Variants in PCDHGA7 observed in about 807,000 individuals in gnomAD.
The protein encoded by PCDHGA7 is protocadherin gamma-A7.
Under a neutral mutation model 58.3 loss-of-function variants are expected in PCDHGA7, and 44 were observed. The observed-to-expected ratio is 0.75, with a 90% CI of 0.59 to 0.97. PCDHGA7 has a LOEUF of 0.97. Ranked by LOEUF, PCDHGA7 falls within the 50% of genes least tolerant of loss-of-function variation. PCDHGA7 has a pLI of 0.00. For missense variants in PCDHGA7, 1,266 were observed against 1,188.7 expected (o/e 1.06, Z -0.96); for synonymous variants, 516 against 504.2 (o/e 1.02, Z -0.31).
chr5:141,480,217 G>A (rs1443825272), intron 1 of PCDHGA7, among the ~76,000 whole-genome samples: 2 of 147,950 alleles, frequency 1.4e-5, no homozygotes, highest in Non-Finnish European at 3.0e-5. Context: ...CAGCCTGAGC[G>A]ACATAGTGAG....
chr5:141,420,225 C>G, intron 1 of PCDHGA7: 1 of 1,603,470 alleles, frequency 6.2e-7, no homozygotes. Flanking sequence ...ATGCTACTGG[C>G]TAGCATTTTA....
intron 1 of PCDHGA7, chr5:141,428,256 T>A: frequency 1.2e-6 from 1 of 863,822 alleles, no homozygotes; most frequent in Non-Finnish European, 1.9e-6. Flanking sequence ...CAGACTTCAG[T>A]GACAGTCCTG....
rs367919924 is a variant in PCDHGA7, at chr5:141,487,711, T to A, written c.2425-7096T>A. The A allele has an allele frequency of 1.1e-5, 18 of 1,586,144 alleles. No individual in the cohort carries two copies. In the African/African-American group the frequency reaches 2.1e-4, roughly 19 times the overall value. On this transcript the variant is annotated intron_variant, in intron 1 of 3. Transcript: ENST00000518325. The surrounding 1 kb of genome is among the most constrained non-coding windows in gnomAD (Gnocchi z 5.0). ...TAGAGAGTACTGGCCTCTCAGTAAG[T>A]GCCCATAGTGATGTCACCATTTTTG...
rs745698097 is a variant in PCDHGA7 at position 141,389,267 on chromosome 5, G to C, written c.2424+3944G>C. The C allele has an allele frequency of 3.0e-5, 48 of 1,613,890 alleles. No individual in the cohort carries two copies. The highest frequency in any genetic ancestry group is 4.0e-5 in the Non-Finnish European group (47 of 1,179,898). On this transcript the variant is annotated intron_variant, in intron 1 of 3. Coordinates refer to ENST00000518325, the MANE Select transcript of PCDHGA7 (RefSeq NM_018920.4). ...CTTCCTATATAGTCCACGTGGCCGA[G>C]AACAACCCGCCTGGAGCCTCTATTT...
At chr5:141,404,472 T>C in intron 1 of PCDHGA7, 1 of 1,613,692 alleles carries the variant, frequency 6.2e-7, no homozygotes, top group Non-Finnish European at 8.5e-7. Context: ...TATGTCTCTA[T>C]TAACTCAGAC....
chr5:141,466,020 G>A (rs973577698), intron 1 of PCDHGA7, among the ~76,000 whole-genome samples: 2 of 151,974 alleles, frequency 1.3e-5, no homozygotes, highest in South Asian at 4.1e-4. Context: ...TACTCGGGAG[G>A]GTGAGGCAGG....
intron 1 of PCDHGA7, among the ~76,000 whole-genome samples, chr5:141,450,951 A>G (rs1018018318): frequency 1.3e-5 from 2 of 151,732 alleles, no homozygotes; most frequent in Non-Finnish European, 2.9e-5. Context: ...CAGCCTCCCA[A>G]GTAGCTGGGA....
chr5:141,486,345 A>C lies in PCDHGA7; in HGVS notation c.2425-8462A>C. On this transcript the variant is annotated intron_variant, in intron 1 of 3. Coordinates refer to ENST00000518325, the MANE Select transcript of PCDHGA7 (RefSeq NM_018920.4). This position sits in a 1 kb window ranked among gnomAD's most constrained non-coding sequence, Gnocchi z 5.0. Reference sequence around the variant, plus strand: ...GGAGATGTGAGCCTCCGCATTCCTGACCACTTGCCATTTGCCCTCAAGTCT... The same window carrying C: ...GGAGATGTGAGCCTCCGCATTCCTGCCCACTTGCCATTTGCCCTCAAGTCT... The C allele has an allele frequency of 6.2e-7, 1 of 1,613,940 alleles. No homozygotes were observed. The highest frequency in any genetic ancestry group is 8.5e-7 in the Non-Finnish European group (1 of 1,179,986).
chr5:141,451,576 C>G (rs997933491), intron 1 of PCDHGA7, among the ~76,000 whole-genome samples: 10 of 152,164 alleles, frequency 6.6e-5, no homozygotes, highest in Middle Eastern at 3.4e-3. Context: ...TTTTTATAAA[C>G]CTAATTTTGA....
chr5:141,384,090 A>T lies in PCDHGA7; in HGVS notation c.1191A>T (p.Ser397=). Residue 397 remains serine, a synonymous_variant, in exon 1 of 4, where the codon TCA becomes TCT. Coordinates refer to ENST00000518325, the MANE Select transcript of PCDHGA7 (RefSeq NM_018920.4). ...ACCTACCTTTTAAATTAGAAAAATCAATAGATAATTATTATAGATTGGTCA... is the reference window on the plus strand; with the variant it reads ...ACCTACCTTTTAAATTAGAAAAATCTATAGATAATTATTATAGATTGGTCA... ...PENLPFKLEK[S]IDNYYRLVTT... 3 of 1,596,410 alleles carry T rather than the reference A, an allele frequency of 1.9e-6. No individual in the cohort carries two copies. Among genetic ancestry groups the T allele is most frequent in the Non-Finnish European group, 2.6e-6 (3 of 1,170,622 alleles).
At chr5:141,456,312 G>A (rs1036961015) in intron 1 of PCDHGA7, among the ~76,000 whole-genome samples, 2 of 152,126 alleles carry the variant, frequency 1.3e-5, no homozygotes, top group African/African-American at 4.8e-5. Flanking sequence ...AGCAGCTAGG[G>A]CTCCTCCTGG....
chr5:141,384,576 G>A lies in PCDHGA7; in HGVS notation c.1677G>A (p.Pro559=), dbSNP rs757254740. 18 of 1,614,060 alleles carry A rather than the reference G, an allele frequency of 1.1e-5. No homozygotes were observed. Among genetic ancestry groups the A allele is most frequent in the South Asian group, 7.7e-5 (7 of 91,088 alleles). Residue 559 remains proline (P), a synonymous_variant, in exon 1 of 4, where the codon CCG becomes CCA. Transcript: ENST00000518325. ...TCGTGCTGGACCAGAATGACAACCC[G>A]CCCGAGATCCTGTACCCGGCCCTCC... ...SLFVLDQNDN[P]PEILYPALPT...
intron 1 of PCDHGA7, among the ~76,000 whole-genome samples, chr5:141,458,339 T>A (rs1380637284): frequency 2.0e-5 from 3 of 150,846 alleles, no homozygotes; most frequent in Non-Finnish European, 3.0e-5. Context: ...TTTTAAGGAG[T>A]GGAGAGTTTA....
chr5:141,491,549 A>T lies in PCDHGA7; in HGVS notation c.2425-3258A>T, dbSNP rs748281587. 18 of 1,613,860 alleles carry T rather than the reference A, an allele frequency of 1.1e-5. No homozygotes were observed. In the East Asian group the frequency reaches 3.8e-4, roughly 34 times the overall value. On this transcript the variant is annotated intron_variant, in intron 1 of 3. Coordinates refer to ENST00000518325, the MANE Select transcript of PCDHGA7 (RefSeq NM_018920.4). This position sits in a 1 kb window ranked among gnomAD's most constrained non-coding sequence, Gnocchi z 6.9. Reference sequence around the variant, plus strand: ...GTGACGCTGCGGCCCACAGACTCGCAGAGCCACTGCTACAGGACGTGCTTT... The same window carrying T: ...GTGACGCTGCGGCCCACAGACTCGCTGAGCCACTGCTACAGGACGTGCTTT...
chr5:141,424,082 C>T (rs2096798510), intron 1 of PCDHGA7: 2 of 957,226 alleles, frequency 2.1e-6, no homozygotes, highest in East Asian at 1.1e-4. Flanking sequence ...TTATATTCCA[C>T]CATTATTTGC....
intron 1 of PCDHGA7, chr5:141,402,843 G>A (rs1370040306): frequency 5.7e-6 from 8 of 1,399,114 alleles, no homozygotes; most frequent in Non-Finnish European, 6.6e-6. Context: ...GCAAAACTCA[G>A]CCTCTTTCTT....
intron 1 of PCDHGA7, chr5:141,430,691 G>A (rs1479214920): frequency 7.1e-7 from 1 of 1,416,592 alleles, no homozygotes; most frequent in Non-Finnish European, 9.4e-7. Context: ...CCATTCTATG[G>A]GCGAAGGAAC....
At chr5:141,385,424 C>T in intron 1 of PCDHGA7, 101 bp downstream of exon 1, 2 of 1,461,926 alleles carry the variant, frequency 1.4e-6, no homozygotes, top group Non-Finnish European at 1.8e-6. Context: ...ATTTAAAAAA[C>T]TTTATAGAGG....
At chr5:141,421,060 A>C (rs1394861719) in intron 1 of PCDHGA7, 3 of 579,718 alleles carry the variant, frequency 5.2e-6, no homozygotes, top group Non-Finnish European at 8.8e-6. Context: ...TACCACACAA[A>C]GCGGAATGAG....
Sources: allele counts gnomAD v4.1 joint callset (sites outside exome capture counted in the v4.1 genomes callset), GRCh38; gene constraint gnomAD v4.1.1; non-coding constraint Gnocchi (gnomAD v3.1); transcripts MANE v1.5; gene names NCBI Gene and HGNC (gene_info 2026-07-23, HGNC 2026-07-21).